PUM1: variants seen among roughly 807,000 people sequenced by gnomAD.
PUM1 encodes the protein pumilio RNA binding family member 1.
In PUM1, 13 loss-of-function variants were observed where a neutral mutation model predicts 131.8. The observed-to-expected ratio is 0.10, with a 90% confidence interval of 0.06 to 0.16. The LOEUF is 0.16. PUM1 is among the 10% of genes least tolerant of loss of function. The pLI, the probability that PUM1 is intolerant of heterozygous loss-of-function variation, is 1.00. For missense variants in PUM1, 961 were observed against 1,512.4 expected, an observed-to-expected ratio of 0.64 and a Z score of 6.05; for synonymous variants, 509 against 556.5, an observed-to-expected ratio of 0.91 and a Z score of 1.20.
chr1:30,944,185 C>T (rs2124395856), intron 18 of PUM1, among the ~76,000 whole-genome samples: 1 of 152,310 alleles, frequency 6.6e-6, no homozygotes. Context: ...CCATTGTGGT[C>T]ATTGAGCAAA....
In PUM1 at chr1:31,059,329, T is replaced by A; in HGVS notation, c.238A>T (p.Met80Leu). The A allele has an allele frequency of 1.2e-6, 2 of 1,614,148 alleles. No individual in the cohort carries two copies. The highest frequency in any genetic ancestry group is 1.7e-6 in the Non-Finnish European group (2 of 1,180,020). The change falls in exon 2 of 22, where the codon ATG becomes TTG. Residue 80 changes from methionine (M) to leucine (L), a missense_variant. Physicochemically the swap from Met to Leu is conservative, Grantham distance 15. This residue lies in a region of PUM1 where 654 missense variants were observed against 923.9 expected (regional missense o/e 0.71). Transcript: ENST00000426105. ...GVAGRSQDDA[M>L]VDYFFQRQHG... is the part of the protein sequence containing the mutation. ...TGCCTCTGAAAGAAGTAGTCCACCA[T>A]AGCGTCGTCCTGGGAACGGCCTGCA...
chr1:31,022,311 G>C (rs538659862), intron 3 of PUM1, among the ~76,000 whole-genome samples: 31 of 152,304 alleles, frequency 2.0e-4, no homozygotes, highest in African/African-American at 7.2e-4. Context: ...ATGGATAAAA[G>C]AGTAACATTT....
intron 2 of PUM1, among the ~76,000 whole-genome samples, chr1:31,034,124 A>G (rs1314987030): frequency 1.3e-5 from 2 of 152,216 alleles, no homozygotes; most frequent in Non-Finnish European, 2.9e-5. Flanking sequence ...TGCATTCTGG[A>G]ATAAAATCAC....
chr1:31,050,593 G>GA (rs1452537671), intron 2 of PUM1, among the ~76,000 whole-genome samples: 6 of 152,330 alleles, frequency 3.9e-5, no homozygotes, highest in African/African-American at 1.4e-4. Context: ...ATGTGTAAGA[G>GA]AAACAAAATA....
rs907588762 is a variant in PUM1, at chr1:30,933,043, A to G, written c.*168T>C. On this transcript the variant is annotated 3_prime_UTR_variant, in exon 22 of 22. Transcript: ENST00000426105. ...TATGTGTAATAAAATTAAATTTACA[A>G]AGGCTTTTCCACTCGTGGATTTGAT... 6.4e-6 allele frequency: 5 copies of G among 785,256 alleles called. No homozygotes were observed. Among genetic ancestry groups the G allele is most frequent in the African/African-American group, 1.8e-5 (1 of 56,664 alleles). The allele number at this position is 785,256 out of a possible 1,614,324, so 48.6% of individuals were successfully genotyped here.
chr1:31,016,184 C>A, intron 3 of PUM1, among the ~76,000 whole-genome samples: 1 of 152,316 alleles, frequency 6.6e-6, no homozygotes, highest in Admixed American at 6.5e-5. Flanking sequence ...TCAGATTTCA[C>A]GTTTCCAGAT....
chr1:31,036,520 A>G (rs1643617030), intron 2 of PUM1, among the ~76,000 whole-genome samples: 1 of 152,026 alleles, frequency 6.6e-6, no homozygotes, highest in Admixed American at 6.6e-5. Context: ...GTTCAAGATC[A>G]GCCTGGGCAG....
intron 14 of PUM1, among the ~76,000 whole-genome samples, chr1:30,961,921 G>A (rs1435307753): frequency 6.6e-6 from 1 of 152,216 alleles, no homozygotes; most frequent in Non-Finnish European, 1.5e-5. Context: ...CAGCAGTGAA[G>A]TAGTATTAAC....
At chr1:31,036,487 G>A (rs1643616306) in intron 2 of PUM1, among the ~76,000 whole-genome samples, 1 of 152,158 alleles carries the variant, frequency 6.6e-6, no homozygotes, top group South Asian at 2.1e-4. Flanking sequence ...AAGGCAGGAG[G>A]ATCACTTGAG....
intron 21 of PUM1, among the ~76,000 whole-genome samples, chr1:30,935,391 TC>T (rs1309050577): frequency 6.6e-6 from 1 of 152,142 alleles, no homozygotes; most frequent in Non-Finnish European, 1.5e-5. Flanking sequence ...GACAACCCTT[TC>T]CCCTGTATTT....
intron 3 of PUM1, among the ~76,000 whole-genome samples, chr1:31,013,232 G>A (rs1205530478): frequency 6.6e-6 from 1 of 152,142 alleles, no homozygotes; most frequent in African/African-American, 2.4e-5. Flanking sequence ...TTCAGGAACT[G>A]CAGAGGCAAG....
At chr1:31,030,707 C>T (rs1282503991) in intron 2 of PUM1, among the ~76,000 whole-genome samples, 3 of 74,974 alleles carry the variant, frequency 4.0e-5, no homozygotes, top group East Asian at 7.8e-4. Context: ...AGACAGTGTC[C>T]GGAAAAAAAA....
chr1:31,056,164 C>T (rs1644231697), intron 2 of PUM1, among the ~76,000 whole-genome samples: 2 of 152,114 alleles, frequency 1.3e-5, no homozygotes, highest in South Asian at 2.1e-4. Flanking sequence ...TCACTGTGTC[C>T]CAAACCAGAG....
Position 30,933,340 on chromosome 1 carries a change from G to A in PUM1, c.3438C>T (p.Ile1146=), listed in dbSNP as rs765720060. 1.7e-5 allele frequency: 28 copies of A among 1,613,382 alleles called. No homozygotes were observed. Among genetic ancestry groups the A allele is most frequent in the South Asian group, 1.2e-4 (11 of 91,050 alleles). The stretch of plus-strand genomic sequence containing the variant: ...TACGAAGAGTTGCGATGTGGGGCCG[G>A]ATCTGGGGAGGAAAGACAGTCTGTG... ...PGQRKIVMHK[I]RPHIATLRKY... is the part of the protein sequence containing the mutation. Residue 1146 remains isoleucine, a splice_region_variant and synonymous_variant, in exon 22 of 22, where the codon ATC becomes ATT. Coordinates refer to ENST00000426105, the MANE Select transcript of PUM1 (RefSeq NM_001020658.2).
At position 30,960,447 on chromosome 1, in the gene PUM1, G is replaced by A. The variant is rs116583753; in HGVS notation, c.2323+4227C>T. 4.7e-3 allele frequency among the ~76,000 whole-genome samples: 711 copies of A among 152,226 alleles called. 3 individuals are homozygous for A. The highest frequency in any genetic ancestry group is 9.5e-3 in the Admixed American group (145 of 15,290). On this transcript the variant is annotated intron_variant, in intron 14 of 21. Coordinates refer to ENST00000426105, the MANE Select transcript of PUM1 (RefSeq NM_001020658.2). ...GAAAAAGAAAAGTCATCCAGATTGG[G>A]AAATGGCTTTTATTCTTAAGATGAT...
intron 3 of PUM1, among the ~76,000 whole-genome samples, chr1:31,022,576 TC>T (rs1321746173): frequency 6.6e-6 from 1 of 152,212 alleles, no homozygotes; most frequent in Non-Finnish European, 1.5e-5. Flanking sequence ...TGACCACATT[TC>T]CTGGGTTAGA....
At chr1:31,039,355 T>G (rs982407054) in intron 2 of PUM1, among the ~76,000 whole-genome samples, 1 of 151,768 alleles carries the variant, frequency 6.6e-6, no homozygotes, top group South Asian at 2.1e-4. Flanking sequence ...CCCGAGTAGC[T>G]GGGACTACAG....
intron 2 of PUM1, among the ~76,000 whole-genome samples, chr1:31,031,698 C>T (rs911764487): frequency 1.3e-5 from 2 of 152,292 alleles, no homozygotes; most frequent in African/African-American, 2.4e-5. Context: ...CTGTGGGCTT[C>T]GATGAATGTG....
intron 3 of PUM1, among the ~76,000 whole-genome samples, chr1:31,022,264 C>T (rs913358865): frequency 3.3e-5 from 5 of 152,034 alleles, no homozygotes; most frequent in African/African-American, 1.2e-4. Context: ...AAAAGTGTTA[C>T]CATTTATTAG....
Sources: allele counts gnomAD v4.1 joint callset (sites outside exome capture counted in the v4.1 genomes callset), GRCh38; gene constraint gnomAD v4.1.1; regional missense constraint gnomAD v4.1.1; transcripts MANE v1.5; gene names NCBI Gene and HGNC (gene_info 2026-07-23, HGNC 2026-07-21).